The following PLAC9 variants were observed in gnomAD, a reference collection of about 807,000 sequenced individuals.
PLAC9 encodes placenta associated 9.
PLAC9 carries 12 observed loss-of-function variants against 11.5 expected under a neutral mutation model. The ratio of observed to expected loss-of-function variants is 1.05; its 90% CI spans 0.67 to 1.69. The LOEUF (loss-of-function observed/expected upper bound fraction) is 1.69. Among genes scored for constraint, PLAC9 ranks in the 40% most tolerant of loss-of-function variants. The pLI is 0.00. For missense variants in PLAC9, 132 were observed against 130.5 expected (o/e 1.01, Z -0.06); for synonymous variants, 62 against 58.1 (o/e 1.07, Z -0.31).
chr10:80,140,755 A>G (rs1442624789), intron 1 of PLAC9, among the ~76,000 whole-genome samples: 1 of 152,088 alleles, frequency 6.6e-6, no homozygotes, highest in Non-Finnish European at 1.5e-5. Flanking sequence ...GATGGTCTCA[A>G]TCTCCTGACC....
At chr10:80,143,292 C>G (rs1845062147) in intron 2 of PLAC9, among the ~76,000 whole-genome samples, 1 of 151,298 alleles carries the variant, frequency 6.6e-6, no homozygotes. Context: ...GTCTCAAACT[C>G]CTGACCTCAA....
At chr10:80,136,152 G>C (rs7076962) in intron 1 of PLAC9, among the ~76,000 whole-genome samples, 2 of 152,118 alleles carry the variant, frequency 1.3e-5, no homozygotes, top group African/African-American at 4.8e-5. Context: ...CAGCCCAGCC[G>C]AGCCCTCCTC....
At chr10:80,133,277 G>A (rs1235334179) in intron 1 of PLAC9, among the ~76,000 whole-genome samples, 1 of 152,208 alleles carries the variant, frequency 6.6e-6, no homozygotes, top group Non-Finnish European at 1.5e-5. Flanking sequence ...CCGGAGTAGA[G>A]CTGGCAAGAG....
At chr10:80,139,753 T>C (rs1017616083) in intron 1 of PLAC9, among the ~76,000 whole-genome samples, 1 of 152,098 alleles carries the variant, frequency 6.6e-6, no homozygotes, top group African/African-American at 2.4e-5. Context: ...TTTTTTTAAC[T>C]TAAAATTTTT....
intron 1 of PLAC9, among the ~76,000 whole-genome samples, chr10:80,136,811 C>T (rs1201480682): frequency 1.3e-5 from 2 of 152,244 alleles, no homozygotes; most frequent in South Asian, 2.1e-4. Context: ...CCGAGCCCAG[C>T]TCGTCTAGCT....
chr10:80,137,777 T>C, intron 1 of PLAC9, among the ~76,000 whole-genome samples: 1 of 152,068 alleles, frequency 6.6e-6, no homozygotes, highest in South Asian at 2.1e-4. Context: ...TAGCCAGGCA[T>C]GGTAGTGTGT....
chr10:80,138,029 T>A (rs987206772), intron 1 of PLAC9, among the ~76,000 whole-genome samples: 2 of 151,818 alleles, frequency 1.3e-5, no homozygotes, highest in Non-Finnish European at 2.9e-5. Context: ...CCCAGGGGCC[T>A]CTCTCTCTCT....
upstream of PLAC9, among the ~76,000 whole-genome samples, chr10:80,132,054 T>G (rs1363388357): frequency 6.6e-6 from 1 of 152,266 alleles, no homozygotes; most frequent in Non-Finnish European, 1.5e-5. Flanking sequence ...GCTCTAAACT[T>G]TGGGCTGCTT....
intron 1 of PLAC9, among the ~76,000 whole-genome samples, chr10:80,138,853 C>A (rs1392111458): frequency 6.6e-6 from 1 of 152,200 alleles, no homozygotes; most frequent in Non-Finnish European, 1.5e-5. Context: ...TTCCATAACT[C>A]CCCCTATTGA....
chr10:80,138,036 C>T, intron 1 of PLAC9, among the ~76,000 whole-genome samples: 1 of 152,208 alleles, frequency 6.6e-6, no homozygotes, highest in Admixed American at 6.5e-5. Context: ...GCCTCTCTCT[C>T]TCTGAATATT....
chr10:80,144,410 A>T, intron 3 of PLAC9, 67 bp downstream of exon 3: 1 of 1,499,988 alleles, frequency 6.7e-7, no homozygotes, highest in Non-Finnish European at 8.9e-7. Flanking sequence ...CAGGCGAGAC[A>T]GGGACGGCTG....
intron 1 of PLAC9, among the ~76,000 whole-genome samples, chr10:80,135,594 C>T (rs751015149): frequency 3.6e-4 from 55 of 152,004 alleles, no homozygotes; most frequent in Non-Finnish European, 7.4e-4. Context: ...CTGCCCCGGC[C>T]TCCCAAAGTG....
chr10:80,132,593 C>A (rs1170856010), upstream of PLAC9: 7 of 490,108 alleles, frequency 1.4e-5, no homozygotes, highest in Non-Finnish European at 2.4e-5. Context: ...GCGCTGCCCA[C>A]GGGGTGCCGA....
At chr10:80,135,590 C>T (rs1231538377) in intron 1 of PLAC9, among the ~76,000 whole-genome samples, 9 of 151,798 alleles carry the variant, frequency 5.9e-5, no homozygotes, top group African/African-American at 1.9e-4. Context: ...CAGCCTGCCC[C>T]GGCCTCCCAA....
At chr10:80,140,839 T>C (rs1410346341) in intron 1 of PLAC9, among the ~76,000 whole-genome samples, 1 of 152,138 alleles carries the variant, frequency 6.6e-6, no homozygotes, top group Admixed American at 6.5e-5. Context: ...AAAATTGCAA[T>C]ATTCTTTACC....
chr10:80,134,368 A>T (rs1454572988), intron 1 of PLAC9, among the ~76,000 whole-genome samples: 1 of 150,440 alleles, frequency 6.6e-6, no homozygotes, highest in African/African-American at 2.5e-5. Flanking sequence ...GGTTCAACTG[A>T]TTCTCCTGCC....
At chr10:80,142,007 G>A (rs1845045813) in intron 1 of PLAC9, 75 bp from the exon 2 acceptor site, 1 of 1,266,436 alleles carries the variant, frequency 7.9e-7, no homozygotes, top group East Asian at 2.6e-5. Flanking sequence ...CCTCATTTGA[G>A]CCCAGTGTTT....
At chr10:80,135,832 T>C (rs1221075836) in intron 1 of PLAC9, among the ~76,000 whole-genome samples, 1 of 152,176 alleles carries the variant, frequency 6.6e-6, no homozygotes, top group Non-Finnish European at 1.5e-5. Context: ...AATACAAATA[T>C]TGGATGTGGT....
At chr10:80,144,427 T>C (rs1845077373) in intron 3 of PLAC9, 84 bp downstream of exon 3, 3 of 1,464,294 alleles carry the variant, frequency 2.0e-6, no homozygotes, top group Non-Finnish European at 1.8e-6. Context: ...GCTGCTCCAC[T>C]GCACAGGTGT....
Sources: allele counts gnomAD v4.1 joint callset (sites outside exome capture counted in the v4.1 genomes callset), GRCh38; gene constraint gnomAD v4.1.1; transcripts MANE v1.5; gene names NCBI Gene and HGNC (gene_info 2026-07-23, HGNC 2026-07-21).